The following NRG1 variants were observed in gnomAD, a reference collection of about 807,000 sequenced individuals.
NRG1 encodes neuregulin 1, also known as pro-neuregulin-1, membrane-bound isoform.
NRG1 carries 18 observed loss-of-function variants against 63.8 expected under a neutral mutation model. That is an observed-to-expected ratio of 0.28 (90% CI 0.19 to 0.42). The LOEUF is 0.42. Ranked by LOEUF, NRG1 falls within the 10% of genes least tolerant of loss-of-function variation. NRG1 has a pLI of 1.00. For synonymous variants in NRG1, 302 were observed against 301.3 expected, an observed-to-expected ratio of 1.00 and a Z score of -0.02; for missense variants, 762 against 814.7, an observed-to-expected ratio of 0.94 and a Z score of 0.79.
At chr8:32,071,010 C>T (rs117327812) in intron 1 of NRG1, among the ~76,000 whole-genome samples, 3,181 of 152,222 alleles carry the variant, frequency 0.021, 40 homozygotes, top group South Asian at 0.039. Context: ...TCACACCTGC[C>T]GATCTCTCTG....
intron 9 of NRG1, among the ~76,000 whole-genome samples, chr8:32,757,040 CA>C: frequency 6.6e-6 from 1 of 152,284 alleles, no homozygotes; most frequent in Middle Eastern, 3.4e-3. Flanking sequence ...AGTGACTTAT[CA>C]AACACCCTTC....
At chr8:32,431,581 G>A (rs1026342381) in intron 1 of NRG1, among the ~76,000 whole-genome samples, 2 of 152,066 alleles carry the variant, frequency 1.3e-5, no homozygotes, top group African/African-American at 4.8e-5. Context: ...AATATTCTCA[G>A]AGTTCATCAG....
chr8:32,511,849 C>T (rs1483605728), intron 1 of NRG1, among the ~76,000 whole-genome samples: 1 of 152,080 alleles, frequency 6.6e-6, no homozygotes, highest in Non-Finnish European at 1.5e-5. Context: ...CAGCTGTGAC[C>T]CTAAATGGGG....
chr8:32,259,884 C>A (rs1205315125), intron 1 of NRG1, among the ~76,000 whole-genome samples: 2 of 152,158 alleles, frequency 1.3e-5, no homozygotes, highest in African/African-American at 4.8e-5. Context: ...TCAGCCTCTG[C>A]AATCAGCTTT....
At chr8:31,913,207 T>C (rs1302966462) in intron 1 of NRG1, among the ~76,000 whole-genome samples, 2 of 152,198 alleles carry the variant, frequency 1.3e-5, no homozygotes, top group Non-Finnish European at 2.9e-5. Context: ...GGAACTACTG[T>C]GGTATAAAAC....
At chr8:32,700,425 A>C (rs1399478686) in intron 5 of NRG1, among the ~76,000 whole-genome samples, 1 of 152,186 alleles carries the variant, frequency 6.6e-6, no homozygotes, top group Admixed American at 6.6e-5. Flanking sequence ...AAATTCTCTT[A>C]AGGAAATAAC....
At chr8:32,770,603 C>T (rs1445966411), downstream of NRG1, among the ~76,000 whole-genome samples, 2 of 152,168 alleles carry the variant, frequency 1.3e-5, no homozygotes, top group Non-Finnish European at 2.9e-5. Flanking sequence ...TGATTCTATG[C>T]ACCTTTCCTA....
chr8:32,369,704 A>G (rs1210795710), intron 1 of NRG1, among the ~76,000 whole-genome samples: 2 of 152,212 alleles, frequency 1.3e-5, no homozygotes, highest in Non-Finnish European at 2.9e-5. Context: ...GTAACTTTTT[A>G]TTTAACCAAT....
intron 1 of NRG1, among the ~76,000 whole-genome samples, chr8:32,358,880 A>C (rs905021203): frequency 3.9e-5 from 6 of 152,192 alleles, no homozygotes; most frequent in African/African-American, 1.4e-4. Context: ...TTCTTAAAAA[A>C]TAAATAAATA....
At chr8:31,832,010 G>A (rs567854992) in intron 1 of NRG1, among the ~76,000 whole-genome samples, 14 of 152,220 alleles carry the variant, frequency 9.2e-5, no homozygotes, top group South Asian at 6.2e-4. Context: ...ACCTTAGCAC[G>A]TCTGTACACA....
At chr8:32,506,767 C>A (rs184921173) in intron 1 of NRG1, among the ~76,000 whole-genome samples, 1 of 151,984 alleles carries the variant, frequency 6.6e-6, no homozygotes, top group Non-Finnish European at 1.5e-5. Flanking sequence ...GTAATCCCAG[C>A]ACTTTGGGAG....
At chr8:32,200,047 G>T (rs1428825669) in intron 1 of NRG1, among the ~76,000 whole-genome samples, 7 of 152,174 alleles carry the variant, frequency 4.6e-5, no homozygotes, top group Non-Finnish European at 7.3e-5. Context: ...CCAAAGGGCT[G>T]GGATTACAGG....
chr8:32,636,743 G>T (rs1851411648), intron 5 of NRG1, among the ~76,000 whole-genome samples: 1 of 152,130 alleles, frequency 6.6e-6, no homozygotes, highest in Admixed American at 6.5e-5. Flanking sequence ...GCTCTTAGAT[G>T]TTCTATAGCA....
intron 1 of NRG1, among the ~76,000 whole-genome samples, chr8:31,914,653 C>T (rs542121053): frequency 2.0e-5 from 3 of 152,012 alleles, no homozygotes; most frequent in South Asian, 2.1e-4. Context: ...GTTAAGTTCA[C>T]GTTTAGGAAA....
At chr8:32,600,447 G>A (rs993712345) in intron 2 of NRG1, among the ~76,000 whole-genome samples, 5 of 152,082 alleles carry the variant, frequency 3.3e-5, no homozygotes, top group East Asian at 3.9e-4. Flanking sequence ...GCCTTAGCCT[G>A]TAACTATGGT....
Position 32,760,422 on chromosome 8 carries a change from A to C in NRG1, c.1259+16A>C. 6.2e-7 allele frequency: 1 copy of C among 1,612,658 alleles called. No homozygotes were observed. Among genetic ancestry groups the C allele is most frequent in the Non-Finnish European group, 8.5e-7 (1 of 1,179,802 alleles). On this transcript the variant is annotated intron_variant, in intron 11 of 11. Transcript: ENST00000356819. ...ATAGTGAAAGGTAAAACCGAAGGGCAAAGCTACTGCAGAGGAGAAACTCAG... is the reference window on the plus strand; with the variant it reads ...ATAGTGAAAGGTAAAACCGAAGGGCCAAGCTACTGCAGAGGAGAAACTCAG...
chr8:32,605,478 C>T, intron 2 of NRG1, 84 bp from the exon 3 acceptor site: 2 of 1,523,894 alleles, frequency 1.3e-6, no homozygotes, highest in East Asian at 2.3e-5. Context: ...AGTTTGAGAA[C>T]TCTGAAAGCA....
chr8:32,286,175 G>A (rs1563271634), intron 1 of NRG1, among the ~76,000 whole-genome samples: 5 of 152,186 alleles, frequency 3.3e-5, no homozygotes, highest in African/African-American at 1.2e-4. Context: ...GGCCCGTTGA[G>A]TTTTATCAGC....
intron 1 of NRG1, among the ~76,000 whole-genome samples, chr8:31,877,971 T>C (rs990809350): frequency 9.9e-5 from 15 of 152,262 alleles, no homozygotes; most frequent in Non-Finnish European, 2.2e-4. Flanking sequence ...TTTAATATGC[T>C]GTAAGTTTTC....
Sources: gnomAD v4.1 joint callset for allele counts (sites outside exome capture counted in the v4.1 genomes callset) on GRCh38, gnomAD v4.1.1 for gene constraint, MANE v1.5 for transcripts, NCBI Gene and HGNC (gene_info 2026-07-23, HGNC 2026-07-21) for gene names.